Variants in PCDH11X observed in about 807,000 individuals in gnomAD.
PCDH11X encodes the protein protocadherin-11 X-linked.
Under a neutral mutation model 53.3 loss-of-function variants are expected in PCDH11X, and 18 were observed. That is an observed-to-expected ratio of 0.34 (90% CI 0.23 to 0.50). PCDH11X has a LOEUF of 0.50. Among genes scored for constraint, PCDH11X ranks in the 20% least tolerant of loss-of-function variants. The pLI is 0.98. For synonymous variants in PCDH11X, 279 were observed against 393.3 expected (o/e 0.71, Z 3.44); for missense variants, 570 against 1,032.4 (o/e 0.55, Z 6.14).
chrX:91,977,877 A>T lies in PCDH11X; in HGVS notation c.3033+98604A>T, dbSNP rs2062067349. Among the ~76,000 whole-genome samples the T allele has an allele frequency of 2.7e-5, 3 of 111,340 alleles. No homozygotes were observed. The South Asian group carries it at 1.1e-3, about 42-fold the overall frequency. ...CATGATTTCTGAGGCCTTCGAAAGC[A>T]TTTGGATTTTTAAACCTTCCTTAGA... On this transcript the variant is annotated intron_variant, in intron 6 of 10. Coordinates refer to ENST00000682573, the MANE Select transcript of PCDH11X (RefSeq NM_032968.5).
chrX:92,060,545 A>G (rs1162055885), intron 6 of PCDH11X, among the ~76,000 whole-genome samples: 5 of 109,732 alleles, frequency 4.6e-5, no homozygotes, highest in African/African-American at 1.7e-4. Context: ...GTCCATGTGT[A>G]TTCAATGATT....
intron 7 of PCDH11X, among the ~76,000 whole-genome samples, chrX:92,212,681 T>C: frequency 8.9e-6 from 1 of 112,467 alleles, no homozygotes; most frequent in Middle Eastern, 4.6e-3. Flanking sequence ...TGTAAGTATC[T>C]TGAAAAAAAT....
chrX:92,422,331 GT>G (rs2071990186), intron 9 of PCDH11X, among the ~76,000 whole-genome samples: 1 of 108,831 alleles, frequency 9.2e-6, no homozygotes. Context: ...TTTCTCCTGA[GT>G]CCCCAGGGTC....
chrX:92,519,210 T>C (rs1490052447), intron 10 of PCDH11X, among the ~76,000 whole-genome samples: 1 of 108,641 alleles, frequency 9.2e-6, no homozygotes, highest in Admixed American at 1.0e-4. Context: ...GAAATCCATA[T>C]AGAGAAGATG....
intron 10 of PCDH11X, among the ~76,000 whole-genome samples, chrX:92,470,920 G>A (rs1308588113): frequency 9.1e-6 from 1 of 109,642 alleles, no homozygotes; most frequent in Non-Finnish European, 1.9e-5. Context: ...TTTCTGATAT[G>A]TTGTTGGTTT....
At chrX:92,423,185 G>C (rs1389851472) in intron 9 of PCDH11X, among the ~76,000 whole-genome samples, 4 of 96,098 alleles carry the variant, frequency 4.2e-5, no homozygotes, top group Non-Finnish European at 9.2e-5. Context: ...GCAGGAGTAA[G>C]GTGGTATTGC....
intron 5 of PCDH11X, among the ~76,000 whole-genome samples, chrX:91,866,457 C>T (rs988087330): frequency 4.5e-5 from 5 of 109,938 alleles, no homozygotes; most frequent in Non-Finnish European, 9.5e-5. Context: ...TTTAAATGCT[C>T]CCTCTGTGGG....
At chrX:91,893,558 G>A (rs1189826219) in intron 6 of PCDH11X, among the ~76,000 whole-genome samples, 2 of 109,711 alleles carry the variant, frequency 1.8e-5, no homozygotes, top group East Asian at 2.9e-4. Context: ...TTTCTGTGGT[G>A]AATAATCACA....
chrX:92,362,030 T>C (rs982315203), intron 8 of PCDH11X, among the ~76,000 whole-genome samples: 1 of 111,109 alleles, frequency 9.0e-6, no homozygotes, highest in Admixed American at 9.7e-5. Context: ...ACATTTCGTT[T>C]ATCCACTTAT....
At chrX:91,931,565 T>C (rs2524665) in intron 6 of PCDH11X, among the ~76,000 whole-genome samples, 5 of 111,308 alleles carry the variant, frequency 4.5e-5, no homozygotes, top group Non-Finnish European at 9.4e-5. Flanking sequence ...GGTTACACTA[T>C]GTGAATTCTA....
chrX:92,428,488 C>T (rs1217395898), intron 9 of PCDH11X, among the ~76,000 whole-genome samples: 2 of 110,963 alleles, frequency 1.8e-5, no homozygotes, highest in African/African-American at 3.3e-5. Flanking sequence ...ATATTCCAGG[C>T]AAAACTCTTT....
At chrX:92,001,599 G>T (rs1384010033) in intron 6 of PCDH11X, among the ~76,000 whole-genome samples, 1 of 107,650 alleles carries the variant, frequency 9.3e-6, no homozygotes, top group African/African-American at 3.4e-5. Context: ...CTCCTGACTA[G>T]CTGGGATTAC....
At chrX:92,098,748 A>G (rs1379585960) in intron 6 of PCDH11X, among the ~76,000 whole-genome samples, 5 of 105,571 alleles carry the variant, frequency 4.7e-5, no homozygotes, top group African/African-American at 7.0e-5. Flanking sequence ...CCTAGGTTCA[A>G]GCAATTCTCC....
chrX:92,573,540 A>T (rs1413532678), intron 10 of PCDH11X, among the ~76,000 whole-genome samples: 7 of 110,475 alleles, frequency 6.3e-5, no homozygotes, highest in African/African-American at 2.0e-4. Flanking sequence ...TTGTAAAAGA[A>T]CTCTAAAGTC....
At position 92,580,451 on chromosome X, in the gene PCDH11X, G is replaced by A. The variant is rs143090322; in HGVS notation, c.3368-37813G>A. On this transcript the variant is annotated intron_variant, in intron 10 of 10. Coordinates refer to ENST00000682573, the MANE Select transcript of PCDH11X (RefSeq NM_032968.5). ...AACTGGCTGGAGGTGCTGAAATTTC[G>A]ACAATGAGGCCCGACTCAGTGAAGA... Among the ~76,000 whole-genome samples, 1,026 of 102,956 alleles carry A rather than the reference G, an allele frequency of 1.0e-2. 10 individuals are homozygous for A. The highest frequency in any genetic ancestry group is 0.037 in the African/African-American group (970 of 26,382). 89.4% of individuals were successfully genotyped at this position (102,956 alleles called of 115,157 possible).
In PCDH11X at chrX:91,851,510, G is replaced by A. The variant is rs143257757; in HGVS notation, c.540+15466G>A. 2.7e-3 allele frequency among the ~76,000 whole-genome samples: 305 copies of A among 111,487 alleles called. 5 individuals are homozygous for A. The highest frequency in any genetic ancestry group is 8.5e-3 in the African/African-American group (261 of 30,752). ...GTACATAGTAGGTGTACGTATTTGT[G>A]GGGTACATGAGATATTTTGATGCAG... On this transcript the variant is annotated intron_variant, in intron 5 of 10. Transcript: ENST00000682573.
rs188172261 is a variant in PCDH11X, at chrX:91,983,217, G to A, written c.3033+103944G>A. On this transcript the variant is annotated intron_variant, in intron 6 of 10. Coordinates refer to ENST00000682573, the MANE Select transcript of PCDH11X (RefSeq NM_032968.5). ...GGTAAGAAGGATGAATCGAAGGTCA[G>A]CTTCAGTCCACGTGCAAGCTGATCT... is the stretch of plus-strand genomic sequence containing the variant. The A allele has an allele frequency of 3.6e-4, 288 of 793,272 alleles. No homozygotes were observed. In the African/African-American group the frequency reaches 5.2e-3, roughly 14 times the overall value. The allele number at this position is 793,272 out of a possible 1,213,427, so 65.4% of individuals were successfully genotyped here.
rs1488435001 is a variant in PCDH11X at position 92,460,182 on chromosome X, G to A, written c.3344-8117G>A. On this transcript the variant is annotated intron_variant, in intron 9 of 10. Transcript: ENST00000682573. The stretch of plus-strand genomic sequence containing the variant: ...GAGTCAAGTATGAGACACAGCTGGC[G>A]ATGCGCCAGTCTGTGGAGAACGACA... 7.3e-5 allele frequency: 67 copies of A among 919,602 alleles called. No individual in the cohort carries two copies. The East Asian group carries it at 8.9e-4, about 12-fold the overall frequency. The allele number at this position is 919,602 out of a possible 1,213,427, so 75.8% of individuals were successfully genotyped here.
intron 10 of PCDH11X, among the ~76,000 whole-genome samples, chrX:92,564,936 T>TA (rs2148766618): frequency 9.0e-6 from 1 of 110,621 alleles, no homozygotes; most frequent in South Asian, 3.8e-4. Context: ...GAAAATCTTA[T>TA]AATCTGATAA....
Sources: allele counts gnomAD v4.1 joint callset (sites outside exome capture counted in the v4.1 genomes callset), GRCh38; gene constraint gnomAD v4.1.1; transcripts MANE v1.5; gene names NCBI Gene and HGNC (gene_info 2026-07-23, HGNC 2026-07-21).